The following DST variants were observed in gnomAD, a reference collection of about 807,000 sequenced individuals.
DST encodes dystonin.
Under a neutral mutation model 875.2 loss-of-function variants are expected in DST, and 253 were observed. The ratio of observed to expected loss-of-function variants is 0.29; its 90% confidence interval spans 0.26 to 0.32. The LOEUF is 0.32. Among genes scored for constraint, DST ranks in the 10% least tolerant of loss-of-function variants. The probability of loss-of-function intolerance (pLI) is 1.00; values close to 1 mark genes in which losing one functional copy is unlikely to be tolerated. For synonymous variants in DST, 3,124 were observed against 3,197.1 expected, an observed-to-expected ratio of 0.98 and a Z score of 0.77; for missense variants, 8,287 against 9,111.6, an observed-to-expected ratio of 0.91 and a Z score of 3.68.
At chr6:56,881,333 C>T (rs1289477053) in intron 3 of DST, among the ~76,000 whole-genome samples, 1 of 151,848 alleles carries the variant, frequency 6.6e-6, no homozygotes, top group African/African-American at 2.4e-5. Context: ...ATTAGCCGGG[C>T]TTGGTGAGAC....
At chr6:56,546,001 C>T (rs957973067) in intron 61 of DST, among the ~76,000 whole-genome samples, 13 of 151,968 alleles carry the variant, frequency 8.6e-5, no homozygotes, top group African/African-American at 3.1e-4. Flanking sequence ...AATGGCTAAA[C>T]GTTTCCAAAG....
intron 2 of DST, among the ~76,000 whole-genome samples, chr6:56,903,194 T>C (rs902634811): frequency 4.6e-5 from 7 of 152,186 alleles, no homozygotes; most frequent in Non-Finnish European, 1.0e-4. Flanking sequence ...TTGGTAAGAA[T>C]GTAGATTCTC....
At chr6:56,584,373 C>T (rs1027628317) in intron 49 of DST, among the ~76,000 whole-genome samples, 1 of 152,130 alleles carries the variant, frequency 6.6e-6, no homozygotes, top group African/African-American at 2.4e-5. Flanking sequence ...TGGGAGTTCA[C>T]TCATGATTTG....
intron 5 of DST, among the ~76,000 whole-genome samples, chr6:56,712,334 T>A (rs1289854681): frequency 6.6e-6 from 1 of 152,128 alleles, no homozygotes; most frequent in Non-Finnish European, 1.5e-5. Context: ...GAGAAACCAA[T>A]CCATATCCTT....
chr6:56,796,329 T>C (rs538405493), intron 4 of DST, among the ~76,000 whole-genome samples: 58 of 152,332 alleles, frequency 3.8e-4, no homozygotes, highest in African/African-American at 1.3e-3. Context: ...CAGCTGTGAA[T>C]AGCATTTACT....
chr6:56,637,694 G>T (rs2098839379), intron 22 of DST, among the ~76,000 whole-genome samples: 1 of 151,868 alleles, frequency 6.6e-6, no homozygotes, highest in Admixed American at 6.6e-5. Context: ...TTGTACAAAG[G>T]ATACCTCCTT....
chr6:56,504,738 A>C (rs930477299), intron 77 of DST, among the ~76,000 whole-genome samples: 76 of 152,068 alleles, frequency 5.0e-4, no homozygotes, highest in African/African-American at 1.7e-3. Context: ...CTGTCACCCA[A>C]GCTGGAGTGC....
chr6:56,673,413 T>C (rs1182440813), intron 9 of DST, among the ~76,000 whole-genome samples: 1 of 152,022 alleles, frequency 6.6e-6, no homozygotes, highest in Non-Finnish European at 1.5e-5. Context: ...ATAGAAATGG[T>C]AGATAGCTGG....
At chr6:56,617,385 C>T (rs201988313) in intron 36 of DST, 4 of 1,613,716 alleles carry the variant, frequency 2.5e-6, no homozygotes, top group Non-Finnish European at 3.4e-6. Flanking sequence ...GTTGTGACTT[C>T]TGTATGCATA....
At chr6:56,797,755 T>G (rs1590656468) in intron 4 of DST, among the ~76,000 whole-genome samples, 2 of 147,930 alleles carry the variant, frequency 1.4e-5, no homozygotes, top group Non-Finnish European at 3.0e-5. Context: ...GGAGCGGAGG[T>G]TGCAGTGAAC....
chr6:56,768,314 A>C (rs1270285289), intron 4 of DST, among the ~76,000 whole-genome samples: 2 of 152,238 alleles, frequency 1.3e-5, no homozygotes, highest in African/African-American at 4.8e-5. Context: ...ACAGTTGTCG[A>C]AACAGTGTGG....
chr6:56,465,965 A>C, intron 99 of DST, 113 bp downstream of exon 99: 1 of 710,566 alleles, frequency 1.4e-6, no homozygotes, highest in Non-Finnish European at 2.3e-6. Context: ...GACCAATGTG[A>C]AACATTCACT....
chr6:56,802,180 T>C (rs1267585075), intron 4 of DST, among the ~76,000 whole-genome samples: 3 of 152,198 alleles, frequency 2.0e-5, no homozygotes, highest in South Asian at 2.1e-4. Flanking sequence ...CTGAGCATTA[T>C]TAGCAGAATG....
intron 3 of DST, among the ~76,000 whole-genome samples, chr6:56,856,831 C>A (rs1246095778): frequency 2.0e-5 from 3 of 152,098 alleles, no homozygotes; most frequent in Non-Finnish European, 4.4e-5. Flanking sequence ...TGTCCTTATC[C>A]ATAGAAGATG....
chr6:56,793,846 G>A (rs1156387617), intron 4 of DST, among the ~76,000 whole-genome samples: 2 of 152,134 alleles, frequency 1.3e-5, no homozygotes, highest in Non-Finnish European at 2.9e-5. Flanking sequence ...TATTTTAAAT[G>A]CACAATAAAA....
chr6:56,647,409 G>T (rs1359798512), intron 13 of DST, among the ~76,000 whole-genome samples: 1 of 152,150 alleles, frequency 6.6e-6, no homozygotes, highest in Non-Finnish European at 1.5e-5. Context: ...ACTCCCCGTG[G>T]CAATGAGAAT....
At chr6:56,873,999 T>C (rs1428398625) in intron 3 of DST, among the ~76,000 whole-genome samples, 1 of 152,114 alleles carries the variant, frequency 6.6e-6, no homozygotes, top group Non-Finnish European at 1.5e-5. Flanking sequence ...GTCCTACTAC[T>C]TGGGAGACTG....
rs750850242 is a variant in DST, at chr6:56,639,216, CAT to C, written c.2964+41_2964+42del. The C allele has an allele frequency of 1.3e-5, 19 of 1,459,986 alleles. No individual in the cohort carries two copies. The Admixed American group carries it at 3.2e-4, about 25-fold the overall frequency. 90.4% of individuals were successfully genotyped at this position (1,459,986 alleles called of 1,614,324 possible). A position where few individuals can be genotyped will look rare whatever the true frequency, so the allele number is the denominator to read the frequency against. The stretch of plus-strand genomic sequence containing the variant: ...ATAAAAGAATCTGAAGGGAAATAAT[CAT>C]ATCAATATTCAACCAACACCATTAC... On this transcript the variant is annotated intron_variant, in intron 22 of 103. Coordinates refer to ENST00000680361, the MANE Select transcript of DST (RefSeq NM_001374736.1).
intron 2 of DST, among the ~76,000 whole-genome samples, chr6:56,928,300 C>T (rs1016284902): frequency 6.6e-6 from 1 of 152,140 alleles, no homozygotes; most frequent in Non-Finnish European, 1.5e-5. Context: ...GCAGAGCCCA[C>T]CAGAAAGTGC....
Sources: gnomAD v4.1 joint callset for allele counts (sites outside exome capture counted in the v4.1 genomes callset) on GRCh38, gnomAD v4.1.1 for gene constraint, MANE v1.5 for transcripts, NCBI Gene and HGNC (gene_info 2026-07-23, HGNC 2026-07-21) for gene names.